The following SFI1 variants were observed in gnomAD, a reference collection of about 807,000 sequenced individuals.
SFI1 encodes the protein SFI1 centrin binding protein.
A neutral mutation model predicts 207.5 loss-of-function variants in SFI1; 195 were observed. The ratio of observed to expected loss-of-function variants is 0.94; its 90% CI spans 0.84 to 1.06. SFI1 has a LOEUF of 1.06. Ranked by LOEUF, SFI1 falls within the 50% of genes least tolerant of loss-of-function variation. The probability of loss-of-function intolerance (pLI) is 0.00; values close to 1 mark genes in which losing one functional copy is unlikely to be tolerated. For missense variants in SFI1, 1,634 were observed against 1,588.0 expected (o/e 1.03, Z -0.49); for synonymous variants, 630 against 598.9 (o/e 1.05, Z -0.76).
At chr22:31,613,248 C>CCT (rs1482415255) in intron 25 of SFI1, 32 bp downstream of exon 25, 1 of 1,612,938 alleles carries the variant, frequency 6.2e-7, no homozygotes, top group African/African-American at 1.3e-5. Context: ...ACCATCCCTG[C>CCT]CTCTCCCTCA....
chr22:31,533,372 A>G (rs1383172970), intron 4 of SFI1, among the ~76,000 whole-genome samples: 1 of 152,172 alleles, frequency 6.6e-6, no homozygotes, highest in African/African-American at 2.4e-5. Context: ...TACTGAAAAT[A>G]CAAAGAAATT....
intron 1 of SFI1, among the ~76,000 whole-genome samples, chr22:31,504,403 T>C (rs572299259): frequency 6.6e-6 from 1 of 152,292 alleles, no homozygotes; most frequent in Non-Finnish European, 1.5e-5. Flanking sequence ...GCTAATTCCT[T>C]GTCTGATTGT....
chr22:31,500,263 G>A (rs1485390176), intron 1 of SFI1, among the ~76,000 whole-genome samples: 4 of 126,828 alleles, frequency 3.2e-5, no homozygotes, highest in South Asian at 5.5e-4. Context: ...GCACCACAGA[G>A]TGAGACTCTG....
At chr22:31,503,591 T>G (rs1481709187) in intron 1 of SFI1, among the ~76,000 whole-genome samples, 1 of 147,458 alleles carries the variant, frequency 6.8e-6, no homozygotes, top group Non-Finnish European at 1.5e-5. Flanking sequence ...ACTGTTTTTT[T>G]TTTTTTTTTT....
chr22:31,523,001 A>C (rs563146235), intron 2 of SFI1, among the ~76,000 whole-genome samples: 1 of 152,126 alleles, frequency 6.6e-6, no homozygotes, highest in Non-Finnish European at 1.5e-5. Flanking sequence ...ACTGTACGCC[A>C]TTTTTTAAAT....
chr22:31,531,893 CA>C lies in SFI1; in HGVS notation c.338+782del, dbSNP rs747573343. On this transcript the variant is annotated intron_variant, in intron 4 of 32. Transcript: ENST00000400288. ...CGGCAACAAGAGCGAAAGTCCCTCT[CA>C]AAAAAAAAAAAAAAAAATTAGCTGA... is the stretch of plus-strand genomic sequence containing the variant. Among the ~76,000 whole-genome samples the C allele has an allele frequency of 4.1e-3, 454 of 111,716 alleles. 2 individuals carry two copies. The highest frequency in any genetic ancestry group is 0.017 in the Middle Eastern group (4 of 238). 73.3% of individuals were successfully genotyped at this position (111,716 alleles called of 152,430 possible).
At position 31,590,951 on chromosome 22, in the gene SFI1, TTTTATTTA is replaced by T. The variant is rs200262154; in HGVS notation, c.1544+1398_1544+1405del. On this transcript the variant is annotated intron_variant, in intron 15 of 32. Transcript: ENST00000400288. ...CTTTTCTATATTCCAACTTTTTTCT[TTTTATTTA>T]TTTATTTATTTATTTATTTATTTTT... Among the ~76,000 whole-genome samples, 85 of 144,352 alleles carry T rather than the reference TTTTATTTA, an allele frequency of 5.9e-4. No homozygotes were observed. The East Asian group carries it at 8.6e-3, about 15-fold the overall frequency. 94.7% of individuals were successfully genotyped at this position (144,352 alleles called of 152,430 possible). A position where few individuals can be genotyped will look rare whatever the true frequency, so the allele number is the denominator to read the frequency against.
chr22:31,597,005 ACACAC>A lies in SFI1; in HGVS notation c.1545-5206_1545-5202del, dbSNP rs1569429975. Among the ~76,000 whole-genome samples the A allele has an allele frequency of 2.8e-5, 4 of 144,094 alleles. No homozygotes were observed. The East Asian group carries it at 8.4e-4, about 30-fold the overall frequency. 94.5% of individuals were successfully genotyped at this position (144,094 alleles called of 152,430 possible). ...AATGGCTTCAGTACTGAAGACACGC[ACACAC>A]GGTACCCGTTTCTAAATGGCTTCAG... On this transcript the variant is annotated intron_variant, in intron 15 of 32. Coordinates refer to ENST00000400288, the MANE Select transcript of SFI1 (RefSeq NM_001007467.3).
chr22:31,542,554 G>A (rs2059656868), intron 4 of SFI1, among the ~76,000 whole-genome samples: 1 of 152,094 alleles, frequency 6.6e-6, no homozygotes, highest in African/African-American at 2.4e-5. Flanking sequence ...CTTGAACCCG[G>A]GAGGCGGAGG....
intron 27 of SFI1, chr22:31,614,150 T>C: frequency 2.4e-6 from 1 of 424,714 alleles, no homozygotes; most frequent in Non-Finnish European, 4.2e-6. Flanking sequence ...TGACACGATC[T>C]TTTCCGGAGT....
At chr22:31,561,479 C>G in intron 8 of SFI1, 87 bp downstream of exon 8, 1 of 1,128,220 alleles carries the variant, frequency 8.9e-7, no homozygotes, top group South Asian at 1.5e-5. Flanking sequence ...GCCTTCCCTG[C>G]AGCTCAGGGC....
chr22:31,527,517 T>C (rs1341387328), intron 2 of SFI1, among the ~76,000 whole-genome samples: 1 of 152,210 alleles, frequency 6.6e-6, no homozygotes, highest in Non-Finnish European at 1.5e-5. Flanking sequence ...GGAGGATTGC[T>C]TAATCCCAGG....
intron 4 of SFI1, among the ~76,000 whole-genome samples, chr22:31,532,070 AT>A (rs1301186484): frequency 3.1e-4 from 47 of 152,220 alleles, no homozygotes; most frequent in African/African-American, 1.0e-3. Context: ...CAAAAAAAAA[AT>A]AAATGAATAA....
At position 31,583,984 on chromosome 22, in the gene SFI1, G is replaced by A. The variant is rs376820273; in HGVS notation, c.1346+12G>A. On this transcript the variant is annotated intron_variant, in intron 13 of 32. Transcript: ENST00000400288. ...TGGGACCACTACAGGTAGGGACTCT[G>A]GTTTCATCCCTGGCTCTCAGGGACT... 179 of 1,608,506 alleles carry A rather than the reference G, an allele frequency of 1.1e-4. 2 individuals carry two copies. The highest frequency in any genetic ancestry group is 1.5e-4 in the Non-Finnish European group (173 of 1,175,396).
intron 24 of SFI1, 41 bp downstream of exon 24, chr22:31,611,881 A>G (rs112075243): frequency 0.016 from 26,361 of 1,610,588 alleles, 267 homozygotes; most frequent in African/African-American, 0.042. Flanking sequence ...TTCCTTCTCC[A>G]TCCTCTGGCC....
intron 15 of SFI1, among the ~76,000 whole-genome samples, chr22:31,594,278 A>T: frequency 6.6e-6 from 1 of 152,032 alleles, no homozygotes; most frequent in East Asian, 1.9e-4. Context: ...GGCCGGGTGC[A>T]GTGGCTCACA....
At chr22:31,611,050 G>GC (rs2070019037) in intron 22 of SFI1, 93 bp from the exon 23 acceptor site, 11 of 1,540,286 alleles carry the variant, frequency 7.1e-6, no homozygotes, top group Non-Finnish European at 9.8e-6. Context: ...CTCTATCCCT[G>GC]CACAGCCATC....
intron 15 of SFI1, among the ~76,000 whole-genome samples, chr22:31,601,740 G>A (rs1487021392): frequency 1.3e-5 from 2 of 152,062 alleles, no homozygotes; most frequent in African/African-American, 4.8e-5. Flanking sequence ...TTGGCTGTCT[G>A]CTTTCCTTCC....
At chr22:31,591,636 C>T (rs2065946773) in intron 15 of SFI1, among the ~76,000 whole-genome samples, 2 of 108,348 alleles carry the variant, frequency 1.8e-5, no homozygotes, top group Admixed American at 8.5e-5. Flanking sequence ...GGGCGGCTGG[C>T]CGGGCGGGGG....
Sources: gnomAD v4.1 joint callset for allele counts (sites outside exome capture counted in the v4.1 genomes callset) on GRCh38, gnomAD v4.1.1 for gene constraint, MANE v1.5 for transcripts, NCBI Gene and HGNC (gene_info 2026-07-23, HGNC 2026-07-21) for gene names.